Variants in MITF observed in about 807,000 individuals in gnomAD.
MITF encodes the protein melanocyte inducing transcription factor.
In MITF, 17 loss-of-function variants were observed where a neutral mutation model predicts 60.5. That is an observed-to-expected ratio of 0.28 (90% CI 0.19 to 0.42). The LOEUF is 0.42. Ranked by LOEUF, MITF falls within the 10% of genes least tolerant of loss-of-function variation. The pLI is 1.00. For synonymous variants in MITF, 260 were observed against 248.5 expected (o/e 1.05, Z -0.43); for missense variants, 622 against 683.5 (o/e 0.91, Z 1.00).
At chr3:69,941,635 C>T (rs975103893) in intron 5 of MITF, among the ~76,000 whole-genome samples, 1 of 152,260 alleles carries the variant, frequency 6.6e-6, no homozygotes, top group Non-Finnish European at 1.5e-5. Context: ...ACACTGCAGC[C>T]AAGGGAACCA....
At chr3:69,857,005 AT>A (rs2063929567) in intron 1 of MITF, among the ~76,000 whole-genome samples, 1 of 152,018 alleles carries the variant, frequency 6.6e-6, no homozygotes, top group Non-Finnish European at 1.5e-5. Flanking sequence ...AAGAGAAGCC[AT>A]TATGGTCAAT....
At chr3:69,877,594 A>G (rs2064384401) in intron 1 of MITF, among the ~76,000 whole-genome samples, 1 of 152,088 alleles carries the variant, frequency 6.6e-6, no homozygotes, top group African/African-American at 2.4e-5. Context: ...TTACATTTTG[A>G]TTCTCTGACA....
At chr3:69,836,928 T>A (rs948087963) in intron 1 of MITF, among the ~76,000 whole-genome samples, 1 of 152,122 alleles carries the variant, frequency 6.6e-6, no homozygotes, top group Non-Finnish European at 1.5e-5. Context: ...CCCCAGCGTG[T>A]TGTAGAACTG....
chr3:69,959,481 A>G, intron 9 of MITF, 61 bp downstream of exon 9: 1 of 1,598,214 alleles, frequency 6.3e-7, no homozygotes. Context: ...CAGTAGAAAC[A>G]GGGATATAAT....
chr3:69,965,675 G>T lies in MITF; in HGVS notation c.*427G>T. On this transcript the variant is annotated 3_prime_UTR_variant, in exon 10 of 10. Transcript: ENST00000352241. Reference sequence around the variant, plus strand: ...AAAGAAAAAAAAAAAGAAAGAAAGAGGAAAAGAAATCCATACTAACCCTTT... The same window carrying T: ...AAAGAAAAAAAAAAAGAAAGAAAGATGAAAAGAAATCCATACTAACCCTTT... 4.0e-6 allele frequency: 1 copy of T among 252,662 alleles called. No individual in the cohort carries two copies. The highest frequency in any genetic ancestry group is 4.8e-5 in the Admixed American group (1 of 20,752). 15.7% of individuals were successfully genotyped at this position (252,662 alleles called of 1,614,324 possible).
chr3:69,791,550 A>G (rs1203651268), intron 1 of MITF, among the ~76,000 whole-genome samples: 4 of 152,260 alleles, frequency 2.6e-5, no homozygotes, highest in Non-Finnish European at 1.5e-5. Context: ...CTAGAGACCC[A>G]AGAGGCTCAA....
intron 1 of MITF, among the ~76,000 whole-genome samples, chr3:69,779,699 A>G (rs991471627): frequency 9.2e-5 from 14 of 152,142 alleles, no homozygotes; most frequent in Middle Eastern, 3.2e-3. Context: ...AAAAATATAT[A>G]TAATTAAAAT....
At chr3:69,916,349 A>C (rs536725053) in intron 2 of MITF, among the ~76,000 whole-genome samples, 1 of 152,282 alleles carries the variant, frequency 6.6e-6, no homozygotes, top group East Asian at 1.9e-4. Context: ...GTTCACATCT[A>C]AAGCTTTGGC....
chr3:69,803,998 A>G (rs1217142877), intron 1 of MITF, among the ~76,000 whole-genome samples: 1 of 152,122 alleles, frequency 6.6e-6, no homozygotes, highest in South Asian at 2.1e-4. Flanking sequence ...CCATGAAGCA[A>G]ATGTATCCTG....
intron 2 of MITF, among the ~76,000 whole-genome samples, chr3:69,882,293 A>G (rs988483919): frequency 6.6e-6 from 1 of 152,120 alleles, no homozygotes; most frequent in Non-Finnish European, 1.5e-5. Context: ...AATCTTTGTA[A>G]GATTAGCCTC....
intron 1 of MITF, among the ~76,000 whole-genome samples, chr3:69,867,871 T>G (rs1444185610): frequency 6.6e-6 from 1 of 152,210 alleles, no homozygotes; most frequent in Non-Finnish European, 1.5e-5. Context: ...CATGCTTCCC[T>G]TATACACTCT....
intron 2 of MITF, among the ~76,000 whole-genome samples, chr3:69,930,070 T>C (rs1575986906): frequency 6.6e-6 from 1 of 152,006 alleles, no homozygotes; most frequent in African/African-American, 2.4e-5. Flanking sequence ...ACTGTGAAAA[T>C]GCAGAAGACC....
intron 1 of MITF, among the ~76,000 whole-genome samples, chr3:69,793,268 G>A (rs960522287): frequency 2.0e-5 from 3 of 151,960 alleles, no homozygotes; most frequent in African/African-American, 7.2e-5. Context: ...TGCCTGCTTC[G>A]GCCTCCCAAA....
intron 1 of MITF, among the ~76,000 whole-genome samples, chr3:69,833,566 G>A (rs188052459): frequency 2.7e-5 from 4 of 150,652 alleles, no homozygotes; most frequent in African/African-American, 9.8e-5. Context: ...TACACTGTAT[G>A]TGGTTCCTTC....
intron 1 of MITF, among the ~76,000 whole-genome samples, chr3:69,845,442 C>CTTTTTTCTTTTATTTTTTT (rs2063714355): frequency 7.3e-6 from 1 of 136,810 alleles, no homozygotes; most frequent in Non-Finnish European, 1.5e-5. Context: ...TTTTTTCTTT[C>CTTTTTTCTTTTATTTTTTT]TTTTTTTTTT....
intron 6 of MITF, among the ~76,000 whole-genome samples, chr3:69,950,618 A>G (rs1049776260): frequency 2.7e-5 from 4 of 145,576 alleles, no homozygotes; most frequent in African/African-American, 1.0e-4. Flanking sequence ...TAATAAATAT[A>G]TATGGTGTGT....
chr3:69,777,831 G>T (rs557329543), intron 1 of MITF, among the ~76,000 whole-genome samples: 35 of 152,270 alleles, frequency 2.3e-4, no homozygotes, highest in African/African-American at 8.2e-4. Context: ...TATCACTGGG[G>T]CCATAGAATG....
intron 1 of MITF, among the ~76,000 whole-genome samples, chr3:69,874,360 A>T (rs1559689540): frequency 6.6e-6 from 1 of 152,266 alleles, no homozygotes; most frequent in East Asian, 1.9e-4. Flanking sequence ...ATAGGCATAT[A>T]AAAAGTAGAT....
At chr3:69,961,718 C>T (rs975429825) in intron 9 of MITF, among the ~76,000 whole-genome samples, 6 of 152,106 alleles carry the variant, frequency 3.9e-5, no homozygotes, top group Admixed American at 2.6e-4. Flanking sequence ...GAGCAAGACT[C>T]CGTCTCAAAA....
Sources: allele counts gnomAD v4.1 joint callset (sites outside exome capture counted in the v4.1 genomes callset), GRCh38; gene constraint gnomAD v4.1.1; transcripts MANE v1.5; gene names NCBI Gene and HGNC (gene_info 2026-07-23, HGNC 2026-07-21).